Variants in NAA60 observed in about 807,000 individuals in gnomAD.
NAA60 encodes the protein N-alpha-acetyltransferase 60.
NAA60 carries 8 observed loss-of-function variants against 26.1 expected under a neutral mutation model. That is an observed-to-expected ratio of 0.31 (90% CI 0.18 to 0.55). The LOEUF is 0.55. Ranked by LOEUF, NAA60 falls within the 20% of genes least tolerant of loss-of-function variation. The pLI is 0.93. For missense variants in NAA60, 290 were observed against 311.3 expected, an observed-to-expected ratio of 0.93 and a Z score of 0.51; for synonymous variants, 131 against 122.5, an observed-to-expected ratio of 1.07 and a Z score of -0.46.
chr16:3,484,470 C>T (rs1447367228), intron 6 of NAA60: 2 of 598,706 alleles, frequency 3.3e-6, no homozygotes, highest in Middle Eastern at 4.5e-4. Context: ...TGCTGCCTCA[C>T]TCAGAAGGCC....
intron 2 of NAA60, among the ~76,000 whole-genome samples, chr16:3,458,374 G>A (rs1480176132): frequency 6.6e-6 from 1 of 151,996 alleles, no homozygotes; most frequent in East Asian, 1.9e-4. Flanking sequence ...GGGGACGGCG[G>A]CGGGGAGTGG....
intron 2 of NAA60, among the ~76,000 whole-genome samples, chr16:3,458,982 A>C (rs2035196270): frequency 1.3e-5 from 2 of 152,194 alleles, no homozygotes; most frequent in African/African-American, 2.4e-5. Context: ...GACATCAGGC[A>C]AGGGGTACTC....
At chr16:3,447,880 A>G (rs1051319222) in intron 1 of NAA60, among the ~76,000 whole-genome samples, 2 of 152,222 alleles carry the variant, frequency 1.3e-5, no homozygotes, top group Non-Finnish European at 2.9e-5. Context: ...AAAAAAGCTC[A>G]GGGCTCTAAA....
At chr16:3,453,833 G>T (rs539281385) in intron 2 of NAA60, among the ~76,000 whole-genome samples, 1 of 152,226 alleles carries the variant, frequency 6.6e-6, no homozygotes, top group South Asian at 2.1e-4. Flanking sequence ...AGGTTTCAGT[G>T]GGGAAACCTG....
chr16:3,482,534 T>C lies in NAA60; in HGVS notation c.273T>C (p.Val91=), dbSNP rs1183200602. 6.2e-7 allele frequency: 1 copy of C among 1,607,986 alleles called. No homozygotes were observed. The highest frequency in any genetic ancestry group is 1.7e-5 in the Admixed American group (1 of 59,256). ...DGDILASNFS[V]DTQVAYILSL... ...ATATTCTAGCATCCAACTTCTCTGTTGACACACAAGTCGCGTACATCCTAA... is the reference window on the plus strand; with the variant it reads ...ATATTCTAGCATCCAACTTCTCTGTCGACACACAAGTCGCGTACATCCTAA... The change falls in exon 5 of 8, where the codon GTT becomes GTC. Residue 91 remains valine, a synonymous_variant. Coordinates refer to ENST00000407558, the MANE Select transcript of NAA60 (RefSeq NM_001083601.3).
At chr16:3,475,410 C>G (rs2036416554) in intron 2 of NAA60, among the ~76,000 whole-genome samples, 2 of 151,954 alleles carry the variant, frequency 1.3e-5, no homozygotes, top group African/African-American at 2.4e-5. Context: ...CTTTTAACGA[C>G]TAATTTCCAA....
intron 2 of NAA60, among the ~76,000 whole-genome samples, chr16:3,465,022 C>CT (rs1355985993): frequency 6.6e-6 from 1 of 152,142 alleles, no homozygotes; most frequent in Non-Finnish European, 1.5e-5. Flanking sequence ...AATCTCAGTA[C>CT]TTTGGGAGTC....
chr16:3,449,385 G>T (rs968382698), intron 2 of NAA60, among the ~76,000 whole-genome samples: 1 of 152,132 alleles, frequency 6.6e-6, no homozygotes, highest in Non-Finnish European at 1.5e-5. Context: ...GGGCGTGGTG[G>T]TGGGCACCTG....
intron 1 of NAA60, among the ~76,000 whole-genome samples, chr16:3,448,115 G>T (rs3207360): frequency 0.57 from 87,072 of 151,648 alleles, 25,318 homozygotes; most frequent in East Asian, 0.75. Flanking sequence ...AGAGAAGAAA[G>T]GATGGGTTGG....
In NAA60 at chr16:3,443,821, A is replaced by C; in HGVS notation, c.-93A>C. ...ACTGGGAGACACCGGAACTCGAAAG[A>C]AAATCGGTAACAAAATGTGGGTTCG... On this transcript the variant is annotated 5_prime_UTR_variant, in exon 1 of 8. Transcript: ENST00000407558. 1 of 1,534,800 alleles carries C rather than the reference A, an allele frequency of 6.5e-7. No homozygotes were observed. Among genetic ancestry groups the C allele is most frequent in the Non-Finnish European group, 8.7e-7 (1 of 1,146,460 alleles).
At chr16:3,450,528 A>G (rs990297147) in intron 2 of NAA60, among the ~76,000 whole-genome samples, 4 of 151,856 alleles carry the variant, frequency 2.6e-5, no homozygotes, top group Non-Finnish European at 5.9e-5. Flanking sequence ...GTGAAACCCC[A>G]TCTCTACTAA....
intron 5 of NAA60, 135 bp from the exon 6 acceptor site, chr16:3,483,228 T>C (rs2036959393): frequency 5.7e-6 from 4 of 703,042 alleles, no homozygotes; most frequent in Non-Finnish European, 9.9e-6. Context: ...TTGACAGTGG[T>C]GGTGAAGAAA....
In NAA60 at chr16:3,484,994, G is replaced by T. The variant is rs550325384; in HGVS notation, c.*139G>T. 2 of 1,527,654 alleles carry T rather than the reference G, an allele frequency of 1.3e-6. No individual in the cohort carries two copies. Among genetic ancestry groups the T allele is most frequent in the South Asian group, 1.2e-5 (1 of 83,708 alleles). 94.6% of individuals were successfully genotyped at this position (1,527,654 alleles called of 1,614,324 possible). A position where few individuals can be genotyped will look rare whatever the true frequency, so the allele number is the denominator to read the frequency against. On this transcript the variant is annotated 3_prime_UTR_variant, in exon 7 of 8. Transcript: ENST00000407558. ...GCTCGTCGGCCTGCCCCAGCTGCAG[G>T]CCCGGTGCTACACGGGCTCGGGAAC... is the stretch of plus-strand genomic sequence containing the variant.
chr16:3,472,352 T>A (rs2150994391), intron 2 of NAA60: 1 of 152,358 alleles, frequency 6.6e-6, no homozygotes, highest in South Asian at 2.1e-4. Context: ...ACCATCCACA[T>A]TGGAAACCCA....
rs2037104093 is a variant in NAA60 at position 3,485,451 on chromosome 16, C to T, written c.*207-16C>T. On this transcript the variant is annotated splice_polypyrimidine_tract_variant and intron_variant, in intron 7 of 7. Coordinates refer to ENST00000407558, the MANE Select transcript of NAA60 (RefSeq NM_001083601.3). ...CGCCGGGCCTTCACCCTGCCCTGCT[C>T]TTCTCTTTCCCACAGGCTCTTCAGC... 1 of 458,012 alleles carries T rather than the reference C, an allele frequency of 2.2e-6. No homozygotes were observed. The highest frequency in any genetic ancestry group is 1.5e-5 in the South Asian group (1 of 64,572). The allele number at this position is 458,012 out of a possible 1,614,324, so 28.4% of individuals were successfully genotyped here.
intron 2 of NAA60, among the ~76,000 whole-genome samples, chr16:3,462,281 A>G (rs2035461851): frequency 6.6e-6 from 1 of 152,284 alleles, no homozygotes; most frequent in South Asian, 2.1e-4. Flanking sequence ...TTTATAAAAT[A>G]GTAGTTGGGT....
At chr16:3,465,818 T>C (rs2035723388) in intron 2 of NAA60, among the ~76,000 whole-genome samples, 1 of 152,162 alleles carries the variant, frequency 6.6e-6, no homozygotes, top group African/African-American at 2.4e-5. Flanking sequence ...GTCCGCCCCA[T>C]ATAATCAGAG....
intron 2 of NAA60, among the ~76,000 whole-genome samples, chr16:3,474,394 G>A (rs1375446005): frequency 6.6e-6 from 1 of 152,244 alleles, no homozygotes; most frequent in Non-Finnish European, 1.5e-5. Context: ...CGTTCCAGCA[G>A]AGAACCACCC....
chr16:3,444,041 G>C, intron 1 of NAA60: 1 of 1,026,306 alleles, frequency 9.7e-7, no homozygotes, highest in Non-Finnish European at 1.3e-6. Context: ...GCTGGACTCT[G>C]ACTCAAAGTG....
Sources: gnomAD v4.1 joint callset for allele counts (sites outside exome capture counted in the v4.1 genomes callset) on GRCh38, gnomAD v4.1.1 for gene constraint, MANE v1.5 for transcripts, NCBI Gene and HGNC (gene_info 2026-07-23, HGNC 2026-07-21) for gene names.